The following RTL9 variants were observed in gnomAD, a reference collection of about 807,000 sequenced individuals.
The protein encoded by RTL9 is retrotransposon Gag-like protein 9.
A neutral mutation model predicts 44.7 loss-of-function variants in RTL9; 19 were observed. The observed-to-expected ratio is 0.42, with a 90% CI of 0.30 to 0.62. The LOEUF (loss-of-function observed/expected upper bound fraction) is 0.62. RTL9 is among the 20% of genes least tolerant of loss of function. The pLI is 0.16. For missense variants in RTL9, 1,105 were observed against 1,080.6 expected (o/e 1.02, Z -0.32); for synonymous variants, 407 against 398.9 (o/e 1.02, Z -0.24).
At chrX:110,447,392 T>C (rs1390332335), upstream of RTL9, among the ~76,000 whole-genome samples, 1 of 110,001 alleles carries the variant, frequency 9.1e-6, no homozygotes, top group Non-Finnish European at 1.9e-5. Flanking sequence ...CAGTTGTTGT[T>C]GTTATTATTA....
At chrX:110,442,115 G>A (rs942697502) in intron 1 of RTL9, among the ~76,000 whole-genome samples, 3 of 110,958 alleles carry the variant, frequency 2.7e-5, no homozygotes, top group African/African-American at 6.6e-5. Flanking sequence ...AGTAAAGGTG[G>A]CCTTATGGGT....
chrX:110,385,636 G>A (rs1033175093), intron 1 of RTL9, among the ~76,000 whole-genome samples: 1 of 111,643 alleles, frequency 9.0e-6, no homozygotes, highest in Non-Finnish European at 1.9e-5. Context: ...TCTGTGACTA[G>A]CTTCTCTCCC....
chrX:110,383,916 G>A (rs1400023652), intron 1 of RTL9, among the ~76,000 whole-genome samples: 1 of 112,065 alleles, frequency 8.9e-6, no homozygotes, highest in Non-Finnish European at 1.9e-5. Flanking sequence ...GCTATGTGAT[G>A]TTGAGCCAAT....
intron 1 of RTL9, among the ~76,000 whole-genome samples, chrX:110,399,158 C>T: frequency 8.9e-6 from 1 of 112,326 alleles, no homozygotes; most frequent in Admixed American, 9.4e-5. Flanking sequence ...TACAGTGTAT[C>T]ACATAATGAG....
intron 1 of RTL9, among the ~76,000 whole-genome samples, chrX:110,434,099 A>T (rs2068818634): frequency 8.9e-6 from 1 of 111,804 alleles, no homozygotes. Flanking sequence ...GTCAGGAGGA[A>T]CAGTGGAGGC....
chrX:110,433,507 A>T (rs1053076685), intron 1 of RTL9, among the ~76,000 whole-genome samples: 1 of 111,543 alleles, frequency 9.0e-6, no homozygotes, highest in South Asian at 3.9e-4. Context: ...GAAGGGAAAA[A>T]CTGGAGCTCC....
intron 1 of RTL9, among the ~76,000 whole-genome samples, chrX:110,411,386 G>A (rs1469806429): frequency 8.9e-6 from 1 of 111,808 alleles, no homozygotes; most frequent in Non-Finnish European, 1.9e-5. Context: ...AATACATGGT[G>A]CCATTTACTG....
chrX:110,405,090 C>CG (rs1363657892), intron 1 of RTL9, among the ~76,000 whole-genome samples: 2 of 60,271 alleles, frequency 3.3e-5, no homozygotes, highest in South Asian at 8.5e-4. Flanking sequence ...TTGTTGTGTC[C>CG]CCCCCCCCCC....
At chrX:110,379,007 TG>T (rs1218043363) in intron 1 of RTL9, among the ~76,000 whole-genome samples, 5 of 112,173 alleles carry the variant, frequency 4.5e-5, no homozygotes, top group East Asian at 2.8e-4. Context: ...AGCTTCTCCA[TG>T]GGGCCTGCTC....
At chrX:110,381,682 T>C (rs974672220) in intron 1 of RTL9, among the ~76,000 whole-genome samples, 2 of 111,600 alleles carry the variant, frequency 1.8e-5, no homozygotes, top group Non-Finnish European at 3.8e-5. Context: ...TAGGTGCCCA[T>C]TGATAGTGGA....
In RTL9 at chrX:110,358,922, G is replaced by A. The variant is rs1290654925; in HGVS notation, c.-168+6G>A. The A allele has an allele frequency of 9.0e-6, 1 of 111,364 alleles. No individual in the cohort carries two copies. The highest frequency in any genetic ancestry group is 2.8e-4 in the East Asian group (1 of 3,529). The allele number at this position is 111,364 out of a possible 1,213,427, so 9.2% of individuals were successfully genotyped here. ...GAGGACTGGAGTATTGCCTGGTAAG[G>A]AGAAGATTATTATTTTATCTAACAC... On this transcript the variant is annotated splice_donor_region_variant and intron_variant, in intron 1 of 2. Transcript: ENST00000520821.
upstream of RTL9, among the ~76,000 whole-genome samples, chrX:110,446,420 G>T (rs1028237300): frequency 1.8e-5 from 2 of 110,898 alleles, no homozygotes; most frequent in Non-Finnish European, 3.8e-5. Context: ...GGGTCGGGGG[G>T]TGGATGTCCG....
chrX:110,368,116 C>T (rs981342844), intron 1 of RTL9, among the ~76,000 whole-genome samples: 2 of 108,803 alleles, frequency 1.8e-5, no homozygotes, highest in African/African-American at 6.7e-5. Flanking sequence ...GTTGGGATTA[C>T]AGGTGTGAGC....
At chrX:110,408,298 T>A (rs1569423739) in intron 1 of RTL9, among the ~76,000 whole-genome samples, 1 of 111,850 alleles carries the variant, frequency 8.9e-6, no homozygotes, top group Non-Finnish European at 1.9e-5. Flanking sequence ...AGAAACTGAA[T>A]GACTAGACTG....
upstream of RTL9, among the ~76,000 whole-genome samples, chrX:110,416,265 T>C (rs2068676879): frequency 8.9e-6 from 1 of 111,975 alleles, no homozygotes; most frequent in Non-Finnish European, 1.9e-5. Flanking sequence ...GGGCACACAC[T>C]AACCATTTGG....
intron 1 of RTL9, among the ~76,000 whole-genome samples, chrX:110,442,792 T>C (rs1291325496): frequency 1.8e-5 from 2 of 111,722 alleles, no homozygotes; most frequent in African/African-American, 6.5e-5. Flanking sequence ...CTATTCTTGG[T>C]ACCACGTGAC....
intron 1 of RTL9, among the ~76,000 whole-genome samples, chrX:110,387,421 AG>A (rs1222292600): frequency 8.9e-6 from 1 of 112,495 alleles, no homozygotes; most frequent in African/African-American, 3.2e-5. Flanking sequence ...TAGAAAAATC[AG>A]AAGACCTGGC....
At chrX:110,415,024 C>G (rs1179372076), upstream of RTL9, among the ~76,000 whole-genome samples, 14 of 112,017 alleles carry the variant, frequency 1.2e-4, no homozygotes, top group Non-Finnish European at 1.9e-5. Context: ...TTTAAATGCT[C>G]CTCTTCTGTG....
At chrX:110,429,124 C>A (rs1224728606) in intron 1 of RTL9, among the ~76,000 whole-genome samples, 1 of 112,153 alleles carries the variant, frequency 8.9e-6, no homozygotes, top group Non-Finnish European at 1.9e-5. Flanking sequence ...TCCTACTGTT[C>A]CAGACCACAG....
Sources: gnomAD v4.1 joint callset for allele counts (sites outside exome capture counted in the v4.1 genomes callset) on GRCh38, gnomAD v4.1.1 for gene constraint, MANE v1.5 for transcripts, NCBI Gene and HGNC (gene_info 2026-07-23, HGNC 2026-07-21) for gene names.